Variants in NT5DC3 observed in about 807,000 individuals in gnomAD.
NT5DC3 encodes 5'-nucleotidase domain containing 3.
In NT5DC3, 42 loss-of-function variants were observed where a neutral mutation model predicts 67.8. The ratio of observed to expected loss-of-function variants is 0.62; its 90% CI spans 0.48 to 0.80. NT5DC3 has a LOEUF of 0.80. Among genes scored for constraint, NT5DC3 ranks in the 30% least tolerant of loss-of-function variants. The pLI is 0.00. For synonymous variants in NT5DC3, 237 were observed against 255.6 expected, an observed-to-expected ratio of 0.93 and a Z score of 0.69; for missense variants, 570 against 696.4, an observed-to-expected ratio of 0.82 and a Z score of 2.04.
intron 1 of NT5DC3, among the ~76,000 whole-genome samples, chr12:103,828,466 C>T (rs547641323): frequency 4.6e-5 from 7 of 152,252 alleles, no homozygotes; most frequent in African/African-American, 1.4e-4. Flanking sequence ...CTTTCTTGTA[C>T]GACCACAGGA....
At chr12:103,752,717 G>A in the NT5DC3 span, among the ~76,000 whole-genome samples, 1 of 152,224 alleles carries the variant, frequency 6.6e-6, no homozygotes, top group Non-Finnish European at 1.5e-5. Flanking sequence ...AGAAAATCAT[G>A]TTACCAGAGA....
At chr12:103,830,343 G>T (rs889687028) in intron 1 of NT5DC3, among the ~76,000 whole-genome samples, 5 of 152,064 alleles carry the variant, frequency 3.3e-5, no homozygotes, top group Non-Finnish European at 7.4e-5. Flanking sequence ...TATTCTCTTT[G>T]TCTTTTGTAT....
chr12:103,807,264 C>T (rs1262273823), intron 2 of NT5DC3, among the ~76,000 whole-genome samples: 1 of 152,190 alleles, frequency 6.6e-6, no homozygotes, highest in Non-Finnish European at 1.5e-5. Flanking sequence ...ACCCCAGGAA[C>T]ACATCGGCTT....
At chr12:103,750,576 C>T in the NT5DC3 span, 9 of 1,613,908 alleles carry the variant, frequency 5.6e-6, no homozygotes, top group East Asian at 2.0e-4. Flanking sequence ...TCTCCCTCCA[C>T]AGGGCAAGCA....
chr12:103,811,753 C>T (rs1020588191), intron 2 of NT5DC3, among the ~76,000 whole-genome samples: 1 of 152,004 alleles, frequency 6.6e-6, no homozygotes, highest in African/African-American at 2.4e-5. Context: ...AACAAATGTA[C>T]CTTAGTCAAG....
the NT5DC3 span, among the ~76,000 whole-genome samples, chr12:103,760,253 G>A: frequency 6.6e-6 from 1 of 152,122 alleles, no homozygotes; most frequent in East Asian, 1.9e-4. Flanking sequence ...ACAATGGTGT[G>A]TGGGGGGTGG....
the NT5DC3 span, among the ~76,000 whole-genome samples, chr12:103,751,056 C>T: frequency 6.6e-5 from 10 of 152,318 alleles, 1 homozygote; most frequent in Admixed American, 2.0e-4. Context: ...TGAAACCCAA[C>T]GGAGGAAGCC....
the NT5DC3 span, among the ~76,000 whole-genome samples, chr12:103,749,500 A>G: frequency 6.6e-6 from 1 of 151,996 alleles, no homozygotes; most frequent in Admixed American, 6.6e-5. Flanking sequence ...CCACCCTTCT[A>G]TCTATCTAAA....
intron 1 of NT5DC3, among the ~76,000 whole-genome samples, chr12:103,831,819 A>G (rs1887942010): frequency 7.2e-6 from 1 of 139,008 alleles, no homozygotes; most frequent in Admixed American, 7.9e-5. Context: ...TCTGTCACTC[A>G]GGCTGGAGTA....
At chr12:103,753,837 G>A in the NT5DC3 span, among the ~76,000 whole-genome samples, 14 of 152,134 alleles carry the variant, frequency 9.2e-5, no homozygotes, top group Admixed American at 2.6e-4. Context: ...GGATCTCCCC[G>A]AACCCACAAA....
In NT5DC3 at chr12:103,841,056, C is replaced by A. The variant is rs1888400457; in HGVS notation, c.101G>T (p.Arg34Leu). ...GGGCCGGGCGGGGCCCGCACACGGC[C>A]GCCCCCGAGCCGCGGTCCCGCAGCC... is the stretch of plus-strand genomic sequence containing the variant. ...RGGCGTAARG[R>L]PCAGPARPLC... Residue 34 changes from arginine (R) to leucine (L), a missense_variant, in exon 1 of 14, where the codon CGG (arginine) becomes CTG (leucine). Coordinates refer to ENST00000392876, the MANE Select transcript of NT5DC3 (RefSeq NM_001031701.3). 1.6e-6 allele frequency: 2 copies of A among 1,260,690 alleles called. No individual in the cohort carries two copies. The highest frequency in any genetic ancestry group is 1.6e-5 in the African/African-American group (1 of 64,338). 78.1% of individuals were successfully genotyped at this position (1,260,690 alleles called of 1,614,324 possible). A position where few individuals can be genotyped will look rare whatever the true frequency, so the allele number is the denominator to read the frequency against.
the NT5DC3 span, among the ~76,000 whole-genome samples, chr12:103,747,995 CAAA>C: frequency 4.1e-5 from 4 of 96,754 alleles, no homozygotes; most frequent in Admixed American, 1.1e-4. Flanking sequence ...ACTCTGTCTC[CAAA>C]AAAAAAAAAA....
At position 103,772,348 on chromosome 12, in the gene NT5DC3, A is replaced by G. The variant is rs1379079970; in HGVS notation, c.*5481T>C. On this transcript the variant is annotated 3_prime_UTR_variant, in exon 14 of 14. Transcript: ENST00000392876. ...TTTATTTGGCAATAAGTTCAGAGTCACATAACACATAAAATCAACATTTAA... is the reference window on the plus strand; with the variant it reads ...TTTATTTGGCAATAAGTTCAGAGTCGCATAACACATAAAATCAACATTTAA... 1.3e-5 allele frequency: 2 copies of G among 152,578 alleles called. No individual in the cohort carries two copies. Among genetic ancestry groups the G allele is most frequent in the Non-Finnish European group, 2.9e-5 (2 of 68,046 alleles). The allele number at this position is 152,578 out of a possible 1,614,324, so 9.5% of individuals were successfully genotyped here. A position where few individuals can be genotyped will look rare whatever the true frequency, so the allele number is the denominator to read the frequency against.
the NT5DC3 span, among the ~76,000 whole-genome samples, chr12:103,749,841 C>CCAAAAA: frequency 7.8e-5 from 4 of 51,152 alleles, no homozygotes; most frequent in East Asian, 2.5e-3. Context: ...CTCTGTCTCA[C>CCAAAAA]AAAAAAAAAA....
intron 9 of NT5DC3, chr12:103,789,200 A>G (rs4964818): frequency 0.73 from 239,018 of 325,884 alleles, 88,819 homozygotes; most frequent in East Asian, 0.9. Context: ...AAGGCAGGTG[A>G]ATCACCTGAG....
chr12:103,836,089 G>A (rs1344407354), intron 1 of NT5DC3, among the ~76,000 whole-genome samples: 1 of 152,104 alleles, frequency 6.6e-6, no homozygotes, highest in Admixed American at 6.5e-5. Context: ...ACCTCCCCCT[G>A]GGTCCCTCCC....
chr12:103,833,965 A>G (rs1348507821), intron 1 of NT5DC3, among the ~76,000 whole-genome samples: 1 of 152,174 alleles, frequency 6.6e-6, no homozygotes, highest in Non-Finnish European at 1.5e-5. Context: ...CTTAGAATTC[A>G]TTTTAGAACG....
At chr12:103,766,481 G>C, downstream of NT5DC3, 1 of 917,342 alleles carries the variant, frequency 1.1e-6, no homozygotes, top group Middle Eastern at 3.5e-4. Flanking sequence ...TCTGGGGGTT[G>C]TTTCTGTGGG....
intron 6 of NT5DC3, among the ~76,000 whole-genome samples, chr12:103,794,674 C>T (rs1428358237): frequency 1.3e-5 from 2 of 152,220 alleles, no homozygotes; most frequent in African/African-American, 4.8e-5. Context: ...TATCTTTGTG[C>T]CCTTTCTGTC....
Sources: allele counts gnomAD v4.1 joint callset (sites outside exome capture counted in the v4.1 genomes callset), GRCh38; gene constraint gnomAD v4.1.1; transcripts MANE v1.5; gene names NCBI Gene and HGNC (gene_info 2026-07-23, HGNC 2026-07-21).